MAGI3: variants seen among roughly 807,000 people sequenced by gnomAD.
MAGI3 encodes the protein membrane-associated guanylate kinase, WW and PDZ domain-containing protein 3.
MAGI3 carries 43 observed loss-of-function variants against 121.8 expected under a neutral mutation model. That is an observed-to-expected ratio of 0.35 (90% confidence interval 0.28 to 0.46). MAGI3 has a LOEUF of 0.46. Among genes scored for constraint, MAGI3 ranks in the 20% least tolerant of loss-of-function variants. MAGI3 has a pLI of 1.00. For synonymous variants in MAGI3, 553 were observed against 639.3 expected (o/e 0.86, Z 2.04); for missense variants, 1,547 against 1,797.3 (o/e 0.86, Z 2.52).
In MAGI3 at chr1:113,684,118, G is replaced by A. The variant is rs1298720399; in HGVS notation, c.*104G>A. 1.8e-5 allele frequency: 23 copies of A among 1,280,300 alleles called. No individual in the cohort carries two copies. Among genetic ancestry groups the A allele is most frequent in the Non-Finnish European group, 2.4e-5 (23 of 960,036 alleles). The allele number at this position is 1,280,300 out of a possible 1,614,324, so 79.3% of individuals were successfully genotyped here. A position where few individuals can be genotyped will look rare whatever the true frequency, so the allele number is the denominator to read the frequency against. On this transcript the variant is annotated 3_prime_UTR_variant, in exon 21 of 21. Transcript: ENST00000307546. The stretch of plus-strand genomic sequence containing the variant: ...TTTTCAGATATTCTGAAACAGATAA[G>A]TACATGTTAATGTGAGCCTCAAGTT...
At chr1:113,475,591 C>T (rs759211433) in intron 1 of MAGI3, among the ~76,000 whole-genome samples, 4 of 152,098 alleles carry the variant, frequency 2.6e-5, no homozygotes, top group African/African-American at 4.8e-5. Context: ...CTTACTTGAT[C>T]GTTGTGGATA....
At chr1:113,395,087 GTTTTTTTTTTT>G (rs139532433) in intron 1 of MAGI3, among the ~76,000 whole-genome samples, 863 of 33,280 alleles carry the variant, frequency 0.026, 14 homozygotes, top group Non-Finnish European at 0.034. Context: ...CTTTTTGTTA[GTTTTTTTTTTT>G]TTTTTTTTTT....
intron 1 of MAGI3, among the ~76,000 whole-genome samples, chr1:113,464,317 A>G (rs913172803): frequency 2.0e-5 from 3 of 152,206 alleles, no homozygotes; most frequent in Admixed American, 6.5e-5. Flanking sequence ...CATTGCTACA[A>G]ATGACAGGAT....
rs1180724741 is a variant in MAGI3 at position 113,614,626 on chromosome 1, A to G, written c.1044A>G (p.Ile348Met). Residue 348 changes from isoleucine (I) to methionine (M), a missense_variant, in exon 7 of 21, where the codon ATA (isoleucine) becomes ATG (methionine). Transcript: ENST00000307546. ...AGCTTCCTTATGGCTGGGAGAAAAT[A>G]GAGGACCCTCAGTATGGGACATACT... ...DGELPYGWEKIEDPQYGTYYV... is the reference protein window; with the variant it reads ...DGELPYGWEKMEDPQYGTYYV... 1.2e-6 allele frequency: 2 copies of G among 1,609,684 alleles called. No homozygotes were observed. Among genetic ancestry groups the G allele is most frequent in the East Asian group, 2.2e-5 (1 of 44,800 alleles).
rs184617872 is a variant in MAGI3, at chr1:113,545,407, G to A, written c.317-4108G>A. Among the ~76,000 whole-genome samples, 408 of 151,924 alleles carry A rather than the reference G, an allele frequency of 2.7e-3. 1 individual carries two copies. The highest frequency in any genetic ancestry group is 8.6e-3 in the African/African-American group (355 of 41,410). ...AAAGACATGTTGTATCTTGACTTTC[G>A]CCAAGTGGTTGACAGTGTTTCCTTA... On this transcript the variant is annotated intron_variant, in intron 1 of 20. Transcript: ENST00000307546.
chr1:113,629,693 T>A (rs1416757258), intron 9 of MAGI3, among the ~76,000 whole-genome samples: 1 of 151,872 alleles, frequency 6.6e-6, no homozygotes, highest in African/African-American at 2.4e-5. Flanking sequence ...CTTGTTCTTT[T>A]CCCTTACATT....
chr1:113,472,295 C>T (rs538248810), intron 1 of MAGI3, among the ~76,000 whole-genome samples: 18 of 151,890 alleles, frequency 1.2e-4, no homozygotes, highest in South Asian at 4.2e-4. Flanking sequence ...CTCCGCCTCC[C>T]GGGTTCACGC....
intron 1 of MAGI3, among the ~76,000 whole-genome samples, chr1:113,441,479 T>C (rs913141007): frequency 5.3e-5 from 8 of 152,226 alleles, no homozygotes; most frequent in Non-Finnish European, 1.2e-4. Context: ...GTTTGGGTTG[T>C]GTACTATTAT....
At chr1:113,441,306 C>A (rs1013531751) in intron 1 of MAGI3, among the ~76,000 whole-genome samples, 1 of 152,172 alleles carries the variant, frequency 6.6e-6, no homozygotes, top group African/African-American at 2.4e-5. Context: ...ATTATTAGAT[C>A]TCCTTCTGCC....
At chr1:113,469,726 G>A (rs1201535125) in intron 1 of MAGI3, among the ~76,000 whole-genome samples, 1 of 151,992 alleles carries the variant, frequency 6.6e-6, no homozygotes, top group Non-Finnish European at 1.5e-5. Flanking sequence ...TTTCTGCTTG[G>A]TAATAGATTT....
At position 113,437,268 on chromosome 1, in the gene MAGI3, C is replaced by CAT. The variant is rs1653616432; in HGVS notation, c.316+45919_316+45920insAT. On this transcript the variant is annotated intron_variant, in intron 1 of 20. Coordinates refer to ENST00000307546, the MANE Select transcript of MAGI3 (RefSeq NM_001142782.2). ...TTTCCCCTTCCCCCTCCAAAACAGG[C>CAT]TTGGAACTAAACTCATCTTTATCTA... 2.6e-5 allele frequency among the ~76,000 whole-genome samples: 4 copies of CAT among 151,974 alleles called. No individual in the cohort carries two copies. The East Asian group carries it at 7.7e-4, about 29-fold the overall frequency.
At position 113,594,472 on chromosome 1, in the gene MAGI3, A is replaced by G; in HGVS notation, c.939-9A>G. 6.2e-7 allele frequency: 1 copy of G among 1,603,370 alleles called. No homozygotes were observed. The highest frequency in any genetic ancestry group is 1.1e-5 in the South Asian group (1 of 88,896). ...TTTACTGTTTCTAATTAAAATCTTT[A>G]TTCTACAGCCACAATACCAAGACAA... On this transcript the variant is annotated splice_polypyrimidine_tract_variant and intron_variant, in intron 5 of 20. Transcript: ENST00000307546.
At chr1:113,526,622 T>C (rs1280316067) in intron 1 of MAGI3, among the ~76,000 whole-genome samples, 2 of 152,172 alleles carry the variant, frequency 1.3e-5, no homozygotes, top group African/African-American at 4.8e-5. Context: ...CTTAGCTCAA[T>C]TGGAAGGTTA....
At chr1:113,450,264 A>G in intron 1 of MAGI3, 1 of 1,602,374 alleles carries the variant, frequency 6.2e-7, no homozygotes, top group Non-Finnish European at 8.5e-7. Context: ...AGTCTGCTGG[A>G]TCACAGAGAG....
At chr1:113,610,538 A>G (rs1267462004) in intron 6 of MAGI3, among the ~76,000 whole-genome samples, 1 of 152,118 alleles carries the variant, frequency 6.6e-6, no homozygotes, top group Admixed American at 6.5e-5. Flanking sequence ...AGGATGTTCT[A>G]CAGATCACTC....
At chr1:113,632,342 A>G (rs1009519131) in intron 9 of MAGI3, among the ~76,000 whole-genome samples, 3 of 152,180 alleles carry the variant, frequency 2.0e-5, no homozygotes, top group Admixed American at 6.5e-5. Context: ...ATGTAGTTTC[A>G]TATTTGCCTA....
At chr1:113,637,020 A>G (rs538343822) in intron 9 of MAGI3, among the ~76,000 whole-genome samples, 98 of 152,078 alleles carry the variant, frequency 6.4e-4, no homozygotes, top group African/African-American at 2.2e-3. Context: ...GTTGGTTTAA[A>G]GTCTGTTTTA....
intron 2 of MAGI3, among the ~76,000 whole-genome samples, chr1:113,578,168 G>A (rs1020196995): frequency 2.6e-5 from 4 of 152,114 alleles, no homozygotes; most frequent in African/African-American, 9.7e-5. Flanking sequence ...TCACTCAGTA[G>A]TCTAGCCTGG....
intron 2 of MAGI3, among the ~76,000 whole-genome samples, chr1:113,556,845 C>T (rs776803012): frequency 2.6e-5 from 4 of 152,040 alleles, no homozygotes; most frequent in South Asian, 2.1e-4. Flanking sequence ...GAATTACAGA[C>T]GTGAGGCCCC....
Sources: gnomAD v4.1 joint callset for allele counts (sites outside exome capture counted in the v4.1 genomes callset) on GRCh38, gnomAD v4.1.1 for gene constraint, MANE v1.5 for transcripts, NCBI Gene and HGNC (gene_info 2026-07-23, HGNC 2026-07-21) for gene names.